ADGRL3: variants seen among roughly 807,000 people sequenced by gnomAD.
The protein encoded by ADGRL3 is calcium-independent alpha-latrotoxin receptor 3.
In ADGRL3, 62 loss-of-function variants were observed where a neutral mutation model predicts 153.5. The ratio of observed to expected loss-of-function variants is 0.40; its 90% confidence interval spans 0.33 to 0.50. ADGRL3 has a LOEUF of 0.50. Among genes scored for constraint, ADGRL3 ranks in the 20% least tolerant of loss-of-function variants. ADGRL3 has a pLI of 0.47. For synonymous variants in ADGRL3, 710 were observed against 672.5 expected, an observed-to-expected ratio of 1.06 and a Z score of -0.86; for missense variants, 1,641 against 1,859.4, an observed-to-expected ratio of 0.88 and a Z score of 2.16.
At chr4:61,767,483 T>C (rs1034840737) in intron 8 of ADGRL3, among the ~76,000 whole-genome samples, 2 of 152,090 alleles carry the variant, frequency 1.3e-5, no homozygotes, top group Non-Finnish European at 2.9e-5. Flanking sequence ...CGGGCTTACC[T>C]TCCACTGTGA....
chr4:61,819,120 A>G (rs2097721734), intron 9 of ADGRL3, among the ~76,000 whole-genome samples: 1 of 152,132 alleles, frequency 6.6e-6, no homozygotes, highest in East Asian at 1.9e-4. Flanking sequence ...TGATATGTAT[A>G]TGCATTCAAA....
chr4:61,717,816 C>G (rs1215252837), intron 6 of ADGRL3, among the ~76,000 whole-genome samples: 15 of 151,966 alleles, frequency 9.9e-5, no homozygotes, highest in Non-Finnish European at 2.1e-4. Context: ...CGCAGATCAC[C>G]TGAGATCAGG....
At position 61,648,397 on chromosome 4, in the gene ADGRL3, A is replaced by G. The variant is rs1269366168; in HGVS notation, c.474-28429A>G. 3.5e-5 allele frequency among the ~76,000 whole-genome samples: 4 copies of G among 114,452 alleles called. No individual in the cohort carries two copies. In the Admixed American group the frequency reaches 4.1e-4, roughly 12 times the overall value. The allele number at this position is 114,452 out of a possible 152,430, so 75.1% of individuals were successfully genotyped here. ...ATTTGAAGACAACCCTCAATGAGTG[A>G]TTTTTCTGCTAGGCTGTGTTGAAAT... On this transcript the variant is annotated intron_variant, in intron 5 of 26. Transcript: ENST00000683033.
rs1553879258 is a variant in ADGRL3 at position 61,909,759 on chromosome 4, T to TTGTGTG, written c.2073+15_2073+16insGTGTGT. 1.9e-6 allele frequency: 2 copies of TTGTGTG among 1,073,392 alleles called. No homozygotes were observed. The highest frequency in any genetic ancestry group is 2.3e-5 in the African/African-American group (1 of 42,844). 66.5% of individuals were successfully genotyped at this position (1,073,392 alleles called of 1,614,324 possible). On this transcript the variant is annotated intron_variant, in intron 12 of 26. Transcript: ENST00000683033. ...AGTTTGAACAAGGTAAGGACCCTAA[T>TTGTGTG]TATGTGTGTGTGTGTGTGTGTGTGT... is the stretch of plus-strand genomic sequence containing the variant.
chr4:61,395,554 TG>T (rs1408770674), intron 2 of ADGRL3, among the ~76,000 whole-genome samples: 4 of 152,094 alleles, frequency 2.6e-5, no homozygotes, highest in Admixed American at 2.6e-4. Flanking sequence ...CTTTCTCAGC[TG>T]GCTTATTTTC....
At chr4:61,379,921 T>C (rs1560546034) in intron 1 of ADGRL3, among the ~76,000 whole-genome samples, 1 of 152,018 alleles carries the variant, frequency 6.6e-6, no homozygotes, top group Non-Finnish European at 1.5e-5. Flanking sequence ...CAGTATGTTA[T>C]TTGAAAGGCT....
At chr4:61,744,280 G>A (rs1482208681) in intron 8 of ADGRL3, among the ~76,000 whole-genome samples, 1 of 152,188 alleles carries the variant, frequency 6.6e-6, no homozygotes, top group Admixed American at 6.5e-5. Context: ...CACCTCTGGG[G>A]GCAGGACACA....
intron 14 of ADGRL3, among the ~76,000 whole-genome samples, chr4:61,935,602 C>G (rs911595611): frequency 2.6e-5 from 4 of 151,888 alleles, no homozygotes; most frequent in African/African-American, 9.7e-5. Context: ...TCTAGATTAT[C>G]AAAGGATTTT....
At chr4:61,958,393 CTTTCTTTCTTTCTTT>C (rs1560430719) in intron 17 of ADGRL3, among the ~76,000 whole-genome samples, 1 of 140,136 alleles carries the variant, frequency 7.1e-6, no homozygotes, top group South Asian at 2.6e-4. Context: ...TTCTTTCTTT[CTTTCTTTCTTTCTTT>C]CTTTCTTTCT....
Position 61,835,756 on chromosome 4 carries a change from A to G in ADGRL3, c.1480+21867A>G, listed in dbSNP as rs999492033. ...AAAAACCTCAGTAAATGGCAAAGTT[A>G]CATAAATAGCAAACCAGAAACGAAT... On this transcript the variant is annotated intron_variant, in intron 9 of 26. Transcript: ENST00000683033. Among the ~76,000 whole-genome samples the G allele has an allele frequency of 2.1e-5, 3 of 141,536 alleles. No homozygotes were observed. In the Admixed American group the frequency reaches 2.2e-4, roughly 10 times the overall value. The allele number at this position is 141,536 out of a possible 152,430, so 92.9% of individuals were successfully genotyped here. A position where few individuals can be genotyped will look rare whatever the true frequency, so the allele number is the denominator to read the frequency against.
intron 25 of ADGRL3, among the ~76,000 whole-genome samples, chr4:62,066,561 T>C (rs1743091268): frequency 6.6e-6 from 1 of 152,076 alleles, no homozygotes; most frequent in Non-Finnish European, 1.5e-5. Flanking sequence ...GTATTAGGAA[T>C]TTAATTTTTG....
chr4:61,453,251 C>T (rs980984010), intron 2 of ADGRL3, among the ~76,000 whole-genome samples: 2 of 152,072 alleles, frequency 1.3e-5, no homozygotes, highest in African/African-American at 4.8e-5. Context: ...AAATATATAA[C>T]AGATATAACA....
intron 6 of ADGRL3, among the ~76,000 whole-genome samples, chr4:61,688,439 G>GCT (rs1362488224): frequency 2.6e-5 from 4 of 152,008 alleles, no homozygotes; most frequent in Non-Finnish European, 5.9e-5. Context: ...TTACTTTACT[G>GCT]CTCTGAGTGA....
At chr4:62,050,154 G>A (rs755068880) in intron 25 of ADGRL3, among the ~76,000 whole-genome samples, 4 of 151,740 alleles carry the variant, frequency 2.6e-5, no homozygotes, top group Non-Finnish European at 5.9e-5. Context: ...CTACCCTGGA[G>A]GCTAACAAAA....
intron 5 of ADGRL3, among the ~76,000 whole-genome samples, chr4:61,620,481 G>C (rs143046221): frequency 4.6e-5 from 7 of 152,182 alleles, no homozygotes; most frequent in African/African-American, 1.7e-4. Flanking sequence ...TACTTTGTAA[G>C]TCAGACTCCG....
intron 11 of ADGRL3, among the ~76,000 whole-genome samples, chr4:61,903,096 T>C (rs549502197): frequency 6.6e-6 from 1 of 152,258 alleles, no homozygotes; most frequent in East Asian, 1.9e-4. Flanking sequence ...GGTAGCAATA[T>C]TGGATTCTGA....
intron 4 of ADGRL3, among the ~76,000 whole-genome samples, chr4:61,540,702 G>A (rs1328370456): frequency 6.6e-6 from 1 of 152,122 alleles, no homozygotes; most frequent in Non-Finnish European, 1.5e-5. Context: ...CAATATTTGA[G>A]AATAGAACAC....
chr4:61,259,056 C>G (rs2092275069), intron 1 of ADGRL3, among the ~76,000 whole-genome samples: 1 of 152,146 alleles, frequency 6.6e-6, no homozygotes, highest in African/African-American at 2.4e-5. Flanking sequence ...GAACTTACCT[C>G]AAAACGAATT....
At chr4:61,231,642 G>A (rs1360931438) in intron 1 of ADGRL3, among the ~76,000 whole-genome samples, 1 of 152,066 alleles carries the variant, frequency 6.6e-6, no homozygotes, top group Non-Finnish European at 1.5e-5. Context: ...CTTAGCAACT[G>A]CACTTCCCTT....
Sources: allele counts gnomAD v4.1 joint callset (sites outside exome capture counted in the v4.1 genomes callset), GRCh38; gene constraint gnomAD v4.1.1; transcripts MANE v1.5; gene names NCBI Gene and HGNC (gene_info 2026-07-23, HGNC 2026-07-21).